The following SIPA1L1 variants were observed in gnomAD, a reference collection of about 807,000 sequenced individuals.
SIPA1L1 encodes the protein signal-induced proliferation-associated 1-like protein 1.
In SIPA1L1, 26 loss-of-function variants were observed where a neutral mutation model predicts 162.7. The observed-to-expected ratio is 0.16, with a 90% CI of 0.12 to 0.22. The LOEUF is 0.22. Ranked by LOEUF, SIPA1L1 falls within the 10% of genes least tolerant of loss-of-function variation. The pLI, the probability that SIPA1L1 is intolerant of heterozygous loss-of-function variation, is 1.00. For synonymous variants in SIPA1L1, 829 were observed against 837.4 expected (o/e 0.99, Z 0.17); for missense variants, 1,874 against 2,241.0 (o/e 0.84, Z 3.31).
chr14:71,659,700 G>T (rs1159626880), intron 9 of SIPA1L1, among the ~76,000 whole-genome samples: 1 of 152,022 alleles, frequency 6.6e-6, no homozygotes, highest in African/African-American at 2.4e-5. Flanking sequence ...GATTTGTAAG[G>T]GTAAAAAATT....
chr14:71,697,729 C>T (rs900216154), intron 13 of SIPA1L1, among the ~76,000 whole-genome samples: 3 of 152,148 alleles, frequency 2.0e-5, no homozygotes, highest in African/African-American at 7.2e-5. Context: ...TATTCTTTCT[C>T]TATTAGCAAA....
At chr14:71,573,728 A>G (rs1206022880) in intron 4 of SIPA1L1, 1 of 456,740 alleles carries the variant, frequency 2.2e-6, no homozygotes, top group Non-Finnish European at 4.4e-6. Flanking sequence ...TTCTCCCCCT[A>G]AAATGAAACA....
intron 2 of SIPA1L1, 95 bp from the exon 3 acceptor site, chr14:71,512,646 TTG>T (rs906410855): frequency 7.9e-6 from 1 of 126,134 alleles, no homozygotes; most frequent in Non-Finnish European, 1.6e-5. Flanking sequence ...ATGCCATCTT[TTG>T]TGTGTGGGGG....
At chr14:71,713,690 TG>T (rs1417810748) in intron 17 of SIPA1L1, among the ~76,000 whole-genome samples, 1 of 152,220 alleles carries the variant, frequency 6.6e-6, no homozygotes, top group African/African-American at 2.4e-5. Context: ...TGGTTTACAT[TG>T]AACATTAGGA....
At chr14:71,530,677 T>A (rs1019531221) in intron 4 of SIPA1L1, among the ~76,000 whole-genome samples, 9 of 152,236 alleles carry the variant, frequency 5.9e-5, no homozygotes, top group African/African-American at 2.2e-4. Context: ...ACCAATTCCA[T>A]TGAACATTAA....
At chr14:71,561,209 TC>T (rs1365315492) in intron 4 of SIPA1L1, among the ~76,000 whole-genome samples, 2 of 152,194 alleles carry the variant, frequency 1.3e-5, no homozygotes, top group African/African-American at 4.8e-5. Flanking sequence ...ATAAAATTTT[TC>T]CCATGTAGTA....
At chr14:71,354,706 T>C in intron 2 of SIPA1L1, among the ~76,000 whole-genome samples, 1 of 152,336 alleles carries the variant, frequency 6.6e-6, no homozygotes, top group East Asian at 1.9e-4. Flanking sequence ...AGACATTCTC[T>C]ATGAAATTTT....
intron 2 of SIPA1L1, among the ~76,000 whole-genome samples, chr14:71,337,677 G>A (rs2035238642): frequency 6.6e-6 from 1 of 152,172 alleles, no homozygotes; most frequent in Non-Finnish European, 1.5e-5. Flanking sequence ...TACAATTCAA[G>A]ATGAGATTTG....
chr14:71,358,836 G>A (rs1310402474), intron 2 of SIPA1L1, among the ~76,000 whole-genome samples: 3 of 152,082 alleles, frequency 2.0e-5, no homozygotes, highest in Non-Finnish European at 2.9e-5. Context: ...GAGAGAGAGT[G>A]GGAAGGTGCT....
chr14:71,627,610 G>C (rs1041236290), intron 7 of SIPA1L1, among the ~76,000 whole-genome samples: 8 of 152,028 alleles, frequency 5.3e-5, no homozygotes, highest in African/African-American at 1.9e-4. Flanking sequence ...GTACAGTTGG[G>C]GGCATCTCAT....
intron 6 of SIPA1L1, among the ~76,000 whole-genome samples, chr14:71,619,134 T>G (rs1431124167): frequency 6.6e-6 from 1 of 152,128 alleles, no homozygotes; most frequent in Non-Finnish European, 1.5e-5. Context: ...GAGAAAGATA[T>G]GTCCATTAAG....
At chr14:71,524,498 T>G (rs182695797) in intron 3 of SIPA1L1, among the ~76,000 whole-genome samples, 1 of 152,374 alleles carries the variant, frequency 6.6e-6, no homozygotes, top group Admixed American at 6.5e-5. Flanking sequence ...TGCCACTTCA[T>G]TCTCATTCTC....
intron 2 of SIPA1L1, among the ~76,000 whole-genome samples, chr14:71,355,465 A>G (rs2037147786): frequency 6.6e-6 from 1 of 152,218 alleles, no homozygotes; most frequent in African/African-American, 2.4e-5. Flanking sequence ...GGCACGAAGT[A>G]CTGATCATTT....
At chr14:71,666,662 C>T (rs1048778575) in intron 10 of SIPA1L1, among the ~76,000 whole-genome samples, 10 of 151,974 alleles carry the variant, frequency 6.6e-5, no homozygotes, top group Middle Eastern at 3.2e-3. Flanking sequence ...TTTCCATACC[C>T]GGTAATTAAA....
At chr14:71,536,295 C>G (rs1185071212) in intron 4 of SIPA1L1, among the ~76,000 whole-genome samples, 1 of 152,196 alleles carries the variant, frequency 6.6e-6, no homozygotes, top group Non-Finnish European at 1.5e-5. Context: ...TAGTATGCCA[C>G]AACCCTCTTA....
At chr14:71,650,568 A>C (rs1009315701) in intron 8 of SIPA1L1, 59 bp downstream of exon 8, 1 of 1,498,654 alleles carries the variant, frequency 6.7e-7, no homozygotes, top group African/African-American at 1.4e-5. Flanking sequence ...GCTGTTGTGC[A>C]TCTGCTAAAT....
chr14:71,572,266 G>T (rs1050225782), intron 4 of SIPA1L1, among the ~76,000 whole-genome samples: 1 of 152,126 alleles, frequency 6.6e-6, no homozygotes, highest in Admixed American at 6.6e-5. Context: ...GCCACACTGG[G>T]GATTAAGTTT....
intron 4 of SIPA1L1, among the ~76,000 whole-genome samples, chr14:71,557,686 A>G (rs992056978): frequency 1.3e-5 from 2 of 152,218 alleles, no homozygotes; most frequent in Admixed American, 6.5e-5. Flanking sequence ...ATTGACTCCT[A>G]TGTGAGTTCA....
At chr14:71,326,579 T>C (rs1489754283) in intron 2 of SIPA1L1, among the ~76,000 whole-genome samples, 2 of 152,188 alleles carry the variant, frequency 1.3e-5, no homozygotes, top group Non-Finnish European at 2.9e-5. Flanking sequence ...AGCAAAGGGC[T>C]GTGTGCCAAA....
Sources: allele counts gnomAD v4.1 joint callset (sites outside exome capture counted in the v4.1 genomes callset), GRCh38; gene constraint gnomAD v4.1.1; transcripts MANE v1.5; gene names NCBI Gene and HGNC (gene_info 2026-07-23, HGNC 2026-07-21).